PPP1R9A: variants seen among roughly 807,000 people sequenced by gnomAD.
PPP1R9A encodes protein phosphatase 1 regulatory subunit 9A, also known as neurabin-1.
A neutral mutation model predicts 141.9 loss-of-function variants in PPP1R9A; 59 were observed. The ratio of observed to expected loss-of-function variants is 0.42; its 90% CI spans 0.34 to 0.52. The LOEUF (loss-of-function observed/expected upper bound fraction) is 0.52. Among genes scored for constraint, PPP1R9A ranks in the 20% least tolerant of loss-of-function variants. The probability of loss-of-function intolerance (pLI) is 0.10; values close to 1 mark genes in which losing one functional copy is unlikely to be tolerated. For missense variants in PPP1R9A, 1,444 were observed against 1,611.9 expected, an observed-to-expected ratio of 0.90 and a Z score of 1.78; for synonymous variants, 500 against 569.7, an observed-to-expected ratio of 0.88 and a Z score of 1.74.
At chr7:94,993,580 G>T (rs991340285) in intron 2 of PPP1R9A, among the ~76,000 whole-genome samples, 1 of 152,030 alleles carries the variant, frequency 6.6e-6, no homozygotes, top group Non-Finnish European at 1.5e-5. Flanking sequence ...GTGCTTTCTA[G>T]TTTCTAGTGT....
intron 2 of PPP1R9A, among the ~76,000 whole-genome samples, chr7:95,071,669 G>A (rs1377183997): frequency 6.6e-6 from 1 of 151,716 alleles, no homozygotes; most frequent in East Asian, 1.9e-4. Context: ...AAAAGAAAAT[G>A]TTTTATTATA....
At chr7:95,223,031 A>G (rs1794667112) in intron 7 of PPP1R9A, among the ~76,000 whole-genome samples, 1 of 152,066 alleles carries the variant, frequency 6.6e-6, no homozygotes, top group Non-Finnish European at 1.5e-5. Flanking sequence ...ATGGCAAATG[A>G]TCAGCAAGAG....
chr7:94,990,638 A>G (rs1801393068), intron 2 of PPP1R9A, among the ~76,000 whole-genome samples: 1 of 152,098 alleles, frequency 6.6e-6, no homozygotes, highest in Non-Finnish European at 1.5e-5. Flanking sequence ...ATAGAACACT[A>G]GAATTTACTC....
chr7:95,199,473 A>G (rs1789050311), intron 6 of PPP1R9A, among the ~76,000 whole-genome samples: 1 of 152,222 alleles, frequency 6.6e-6, no homozygotes, highest in African/African-American at 2.4e-5. Context: ...ATAAACAGAC[A>G]TTCAAATATT....
chr7:95,006,687 T>C (rs1803650142), intron 2 of PPP1R9A, among the ~76,000 whole-genome samples: 1 of 152,120 alleles, frequency 6.6e-6, no homozygotes, highest in African/African-American at 2.4e-5. Flanking sequence ...AAAAATAAAA[T>C]TTACTACATT....
intron 2 of PPP1R9A, among the ~76,000 whole-genome samples, chr7:95,090,460 T>G (rs1357496859): frequency 6.6e-6 from 1 of 151,938 alleles, no homozygotes; most frequent in African/African-American, 2.4e-5. Context: ...ATGAGCGTTT[T>G]TAAGATAACA....
intron 2 of PPP1R9A, among the ~76,000 whole-genome samples, chr7:95,089,405 A>C (rs1320127613): frequency 1.3e-5 from 2 of 152,080 alleles, no homozygotes; most frequent in African/African-American, 4.8e-5. Flanking sequence ...TATATCAAGA[A>C]TACTCTGTAT....
intron 2 of PPP1R9A, among the ~76,000 whole-genome samples, chr7:95,103,919 T>C (rs926306804): frequency 2.0e-5 from 3 of 152,044 alleles, no homozygotes; most frequent in African/African-American, 7.3e-5. Context: ...ATATATAACA[T>C]AATATTTATG....
intron 12 of PPP1R9A, among the ~76,000 whole-genome samples, chr7:95,260,495 A>G (rs568945707): frequency 6.6e-6 from 1 of 152,220 alleles, no homozygotes; most frequent in South Asian, 2.1e-4. Flanking sequence ...CCTGGCCAAC[A>G]TGGGGAAACC....
chr7:95,024,790 T>A (rs1806562738), intron 2 of PPP1R9A, among the ~76,000 whole-genome samples: 1 of 152,190 alleles, frequency 6.6e-6, no homozygotes, highest in African/African-American at 2.4e-5. Context: ...AAGGTTAATA[T>A]TGTTATGTGT....
intron 4 of PPP1R9A, among the ~76,000 whole-genome samples, chr7:95,147,976 T>C (rs1217468664): frequency 1.3e-5 from 2 of 151,992 alleles, no homozygotes; most frequent in African/African-American, 2.4e-5. Context: ...TTGTGAAGAG[T>C]CATTTTTTAG....
chr7:94,950,341 A>G (rs911022269), intron 2 of PPP1R9A, among the ~76,000 whole-genome samples: 28 of 152,106 alleles, frequency 1.8e-4, no homozygotes, highest in African/African-American at 6.0e-4. Context: ...CTTTTCTGTC[A>G]TGATGCTTTA....
intron 2 of PPP1R9A, among the ~76,000 whole-genome samples, chr7:95,083,838 C>G (rs926387173): frequency 2.0e-5 from 3 of 151,896 alleles, no homozygotes; most frequent in East Asian, 3.9e-4. Flanking sequence ...TGGGTGAAAA[C>G]ACTAAGTTCA....
intron 2 of PPP1R9A, among the ~76,000 whole-genome samples, chr7:94,998,818 A>G (rs1404831336): frequency 6.6e-6 from 1 of 152,130 alleles, no homozygotes; most frequent in Admixed American, 6.5e-5. Flanking sequence ...AGGTTGGGGT[A>G]CAGTAGTGTA....
At chr7:94,971,885 A>G (rs1215962297) in intron 2 of PPP1R9A, among the ~76,000 whole-genome samples, 1 of 152,308 alleles carries the variant, frequency 6.6e-6, no homozygotes, top group African/African-American at 2.4e-5. Flanking sequence ...CTTTCTTCCT[A>G]AGTTTTTCCC....
At chr7:95,163,219 G>C (rs1405131840) in intron 5 of PPP1R9A, among the ~76,000 whole-genome samples, 2 of 152,166 alleles carry the variant, frequency 1.3e-5, no homozygotes, top group Admixed American at 1.3e-4. Context: ...TGAAACCATA[G>C]CCATCCCTTT....
chr7:94,958,110 G>A (rs1368116037), intron 2 of PPP1R9A, among the ~76,000 whole-genome samples: 2 of 152,030 alleles, frequency 1.3e-5, no homozygotes, highest in African/African-American at 4.8e-5. Context: ...AGCCTAAAAT[G>A]TGGTTGTTGG....
chr7:95,103,841 C>T (rs1819150894), intron 2 of PPP1R9A, among the ~76,000 whole-genome samples: 1 of 152,120 alleles, frequency 6.6e-6, no homozygotes, highest in Non-Finnish European at 1.5e-5. Context: ...GCCTTACTCC[C>T]TAGATTGGTT....
In PPP1R9A at chr7:94,930,552, C is replaced by T. The variant is rs116123562; in HGVS notation, c.1395+19044C>T. On this transcript the variant is annotated intron_variant, in intron 2 of 19. Coordinates refer to ENST00000433360, the MANE Select transcript of PPP1R9A (RefSeq NM_001166160.2). The stretch of plus-strand genomic sequence containing the variant: ...CGGCGTTTCACTGTGTTGGTCAGGC[C>T]AGTCTCCAACTCCTGACCTCAAGTG... Among the ~76,000 whole-genome samples the T allele has an allele frequency of 2.9e-3, 447 of 152,138 alleles. 2 individuals are homozygous for T. The highest frequency in any genetic ancestry group is 0.01 in the African/African-American group (429 of 41,508).
Sources: allele counts gnomAD v4.1 joint callset (sites outside exome capture counted in the v4.1 genomes callset), GRCh38; gene constraint gnomAD v4.1.1; transcripts MANE v1.5; gene names NCBI Gene and HGNC (gene_info 2026-07-23, HGNC 2026-07-21).